PAK3: variants seen among roughly 807,000 people sequenced by gnomAD.
PAK3 encodes the protein serine/threonine-protein kinase PAK 3.
A neutral mutation model predicts 41.0 loss-of-function variants in PAK3; 4 were observed. The observed-to-expected ratio is 0.10, with a 90% confidence interval of 0.05 to 0.22. The LOEUF is 0.22. PAK3 is among the 10% of genes least tolerant of loss of function. The pLI, the probability that PAK3 is intolerant of heterozygous loss-of-function variation, is 1.00. For missense variants in PAK3, 205 were observed against 409.9 expected, an observed-to-expected ratio of 0.50 and a Z score of 4.32; for synonymous variants, 146 against 139.6, an observed-to-expected ratio of 1.05 and a Z score of -0.32.
chrX:111,043,514 T>C (rs1174759299), intron 1 of PAK3, among the ~76,000 whole-genome samples: 2 of 111,473 alleles, frequency 1.8e-5, no homozygotes, highest in Non-Finnish European at 1.9e-5. Context: ...CTCCTGGTCA[T>C]GGTCTCTTAT....
chrX:111,022,990 C>T (rs2092211898), intron 1 of PAK3, among the ~76,000 whole-genome samples: 2 of 110,428 alleles, frequency 1.8e-5, no homozygotes, highest in South Asian at 8.0e-4. Flanking sequence ...TTACTGCACC[C>T]ATCAACTCAG....
At chrX:111,126,616 A>C (rs1437410239) in intron 5 of PAK3, among the ~76,000 whole-genome samples, 1 of 111,347 alleles carries the variant, frequency 9.0e-6, no homozygotes, top group Non-Finnish European at 1.9e-5. Context: ...TCACCTGTTA[A>C]GTGAGGATAG....
chrX:111,139,852 G>C (rs2093847060), intron 5 of PAK3, among the ~76,000 whole-genome samples: 1 of 111,578 alleles, frequency 9.0e-6, no homozygotes, highest in African/African-American at 3.3e-5. Flanking sequence ...TTAAGGTAGG[G>C]GCTCTTAACT....
At chrX:111,190,911 A>G (rs968619682) in intron 11 of PAK3, among the ~76,000 whole-genome samples, 9 of 112,025 alleles carry the variant, frequency 8.0e-5, no homozygotes, top group African/African-American at 2.9e-4. Context: ...AGCGAAATTG[A>G]CTTTTTTTCT....
chrX:111,203,088 A>G (rs2094701715), intron 16 of PAK3, among the ~76,000 whole-genome samples: 1 of 111,409 alleles, frequency 9.0e-6, no homozygotes, highest in South Asian at 3.8e-4. Flanking sequence ...CTCAGGGAAA[A>G]ATGGCAATCA....
intron 1 of PAK3, among the ~76,000 whole-genome samples, chrX:111,068,682 A>T (rs2092719404): frequency 3.6e-5 from 4 of 112,226 alleles, no homozygotes. Context: ...TCATTTGTTT[A>T]TAATTTCTAA....
At chrX:111,014,270 C>T (rs2092055115) in intron 1 of PAK3, among the ~76,000 whole-genome samples, 1 of 111,684 alleles carries the variant, frequency 9.0e-6, no homozygotes, top group African/African-American at 3.2e-5. Context: ...CAGTGGTGTT[C>T]AAAGTCCATT....
At chrX:111,023,342 C>A (rs1474965025) in intron 1 of PAK3, among the ~76,000 whole-genome samples, 1 of 111,896 alleles carries the variant, frequency 8.9e-6, no homozygotes, top group African/African-American at 3.2e-5. Context: ...AACAGTGCTG[C>A]AATAAACATA....
intron 1 of PAK3, among the ~76,000 whole-genome samples, chrX:111,048,394 A>G (rs1197633711): frequency 9.0e-6 from 1 of 111,387 alleles, no homozygotes; most frequent in African/African-American, 3.3e-5. Context: ...GCTCATATTC[A>G]TATCTTCAGC....
At chrX:111,033,573 A>G (rs908625644) in intron 1 of PAK3, among the ~76,000 whole-genome samples, 1 of 112,019 alleles carries the variant, frequency 8.9e-6, no homozygotes, top group Non-Finnish European at 1.9e-5. Flanking sequence ...ACTTTTCTCA[A>G]CATTTGGGAA....
intron 1 of PAK3, among the ~76,000 whole-genome samples, chrX:110,956,257 G>A (rs1443063863): frequency 9.0e-6 from 1 of 111,571 alleles, no homozygotes; most frequent in African/African-American, 3.3e-5. Flanking sequence ...TAGTAGCTAC[G>A]TTTTTGGGTT....
chrX:110,950,902 C>G (rs557537705), intron 1 of PAK3, among the ~76,000 whole-genome samples: 22 of 111,320 alleles, frequency 2.0e-4, no homozygotes, highest in African/African-American at 7.2e-4. Flanking sequence ...GAAAGGCTAT[C>G]ACAATTTACC....
intron 16 of PAK3, among the ~76,000 whole-genome samples, chrX:111,212,644 A>G (rs2094834541): frequency 8.9e-6 from 1 of 112,158 alleles, no homozygotes; most frequent in East Asian, 2.8e-4. Flanking sequence ...TTGCAAAAGA[A>G]ATAGTCTGGG....
chrX:110,993,491 A>AT (rs1466628418), intron 1 of PAK3, among the ~76,000 whole-genome samples: 2 of 111,641 alleles, frequency 1.8e-5, no homozygotes, highest in Non-Finnish European at 3.8e-5. Flanking sequence ...CAGTAAGTAC[A>AT]TTTTCTGTAT....
At chrX:111,102,243 A>G (rs1430096034) in intron 3 of PAK3, among the ~76,000 whole-genome samples, 2 of 111,692 alleles carry the variant, frequency 1.8e-5, no homozygotes, top group African/African-American at 6.5e-5. Context: ...GGGAGGGGTC[A>G]AAGAGACTCA....
intron 8 of PAK3, among the ~76,000 whole-genome samples, chrX:111,157,925 G>A (rs1032371205): frequency 8.9e-6 from 1 of 112,069 alleles, no homozygotes; most frequent in South Asian, 3.7e-4. Context: ...ATTTCTGTAA[G>A]TTTAGAAGTT....
intron 17 of PAK3, among the ~76,000 whole-genome samples, chrX:111,218,509 A>C (rs946328873): frequency 8.9e-6 from 1 of 112,189 alleles, no homozygotes; most frequent in African/African-American, 3.2e-5. Flanking sequence ...GGCCTTAAAG[A>C]AGTGATCAGG....
intron 1 of PAK3, among the ~76,000 whole-genome samples, chrX:111,039,857 G>T (rs1332557563): frequency 9.1e-6 from 1 of 109,649 alleles, no homozygotes; most frequent in East Asian, 2.9e-4. Flanking sequence ...CTCAGAAGGG[G>T]TCCTGTGAGG....
At chrX:111,030,563 A>G (rs2092327873) in intron 1 of PAK3, among the ~76,000 whole-genome samples, 1 of 111,751 alleles carries the variant, frequency 8.9e-6, no homozygotes, top group Admixed American at 9.5e-5. Context: ...GGCCAAATAG[A>G]TGGGTGGGTG....
Sources: gnomAD v4.1 joint callset for allele counts (sites outside exome capture counted in the v4.1 genomes callset) on GRCh38, gnomAD v4.1.1 for gene constraint, MANE v1.5 for transcripts, NCBI Gene and HGNC (gene_info 2026-07-23, HGNC 2026-07-21) for gene names.